NFIB: variants seen among roughly 807,000 people sequenced by gnomAD.
NFIB encodes the protein nuclear factor I B, also known as nuclear factor 1 B-type.
In NFIB, 11 loss-of-function variants were observed where a neutral mutation model predicts 61.5. The ratio of observed to expected loss-of-function variants is 0.18; its 90% CI spans 0.11 to 0.30. NFIB has a LOEUF of 0.30. Ranked by LOEUF, NFIB falls within the 10% of genes least tolerant of loss-of-function variation. The pLI, the probability that NFIB is intolerant of heterozygous loss-of-function variation, is 1.00. For missense variants in NFIB, 471 were observed against 608.9 expected (o/e 0.77, Z 2.38); for synonymous variants, 260 against 216.5 (o/e 1.20, Z -1.76).
intron 2 of NFIB, among the ~76,000 whole-genome samples, chr9:14,193,096 T>A (rs2131571463): frequency 6.6e-6 from 1 of 151,820 alleles, no homozygotes; most frequent in African/African-American, 2.4e-5. Flanking sequence ...AAGTTTTTTG[T>A]AATGCATACT....
chr9:14,448,571 G>A, the NFIB span, among the ~76,000 whole-genome samples: 1 of 152,158 alleles, frequency 6.6e-6, no homozygotes, highest in Non-Finnish European at 1.5e-5. Flanking sequence ...TCTATCAAAG[G>A]ATTTTAATGA....
chr9:14,483,421 C>G, the NFIB span, among the ~76,000 whole-genome samples: 6 of 152,110 alleles, frequency 3.9e-5, no homozygotes, highest in Non-Finnish European at 8.8e-5. Context: ...GTGAGGAGGA[C>G]AAAAACAAAG....
chr9:14,301,120 A>C (rs982177285), intron 2 of NFIB, among the ~76,000 whole-genome samples: 7 of 152,180 alleles, frequency 4.6e-5, no homozygotes, highest in Non-Finnish European at 7.4e-5. Flanking sequence ...CAGTAACTTT[A>C]AAGAACTAAA....
At chr9:14,366,239 C>T (rs753201560) in intron 1 of NFIB, among the ~76,000 whole-genome samples, 2 of 152,178 alleles carry the variant, frequency 1.3e-5, no homozygotes, top group Non-Finnish European at 2.9e-5. Context: ...CCAGAAGACA[C>T]ACCACCACAG....
the NFIB span, among the ~76,000 whole-genome samples, chr9:14,447,590 C>T: frequency 4.3e-4 from 66 of 152,222 alleles, no homozygotes; most frequent in South Asian, 8.1e-3. Flanking sequence ...ACCTTAACTC[C>T]GCATTCACCA....
chr9:14,297,693 G>C (rs2059524781), intron 2 of NFIB, among the ~76,000 whole-genome samples: 1 of 152,156 alleles, frequency 6.6e-6, no homozygotes, highest in African/African-American at 2.4e-5. Flanking sequence ...CAACACGCAA[G>C]TAAGGAAATG....
At chr9:14,367,995 T>C (rs916790667) in intron 1 of NFIB, among the ~76,000 whole-genome samples, 1 of 152,066 alleles carries the variant, frequency 6.6e-6, no homozygotes, top group Non-Finnish European at 1.5e-5. Context: ...AACCTGCACG[T>C]TCTGCACATG....
chr9:14,181,843 T>G (rs1587382357), intron 2 of NFIB, among the ~76,000 whole-genome samples: 1 of 152,168 alleles, frequency 6.6e-6, no homozygotes, highest in East Asian at 1.9e-4. Flanking sequence ...GCCAAGCTTG[T>G]GATGACACCT....
the NFIB span, among the ~76,000 whole-genome samples, chr9:14,529,233 C>T: frequency 6.6e-6 from 1 of 152,082 alleles, no homozygotes; most frequent in African/African-American, 2.4e-5. Flanking sequence ...TGGGCTTTTT[C>T]CCTGTCAAGT....
chr9:14,179,145 C>T (rs1319365984), intron 3 of NFIB, among the ~76,000 whole-genome samples: 2 of 151,950 alleles, frequency 1.3e-5, no homozygotes, highest in African/African-American at 4.8e-5. Flanking sequence ...GTTATAAAAG[C>T]CCATTTTCAG....
intron 2 of NFIB, among the ~76,000 whole-genome samples, chr9:14,254,245 G>A (rs556026364): frequency 2.1e-4 from 32 of 151,940 alleles, no homozygotes; most frequent in Non-Finnish European, 3.4e-4. Context: ...AGGTTGCAGC[G>A]AGCCATGATC....
intron 2 of NFIB, among the ~76,000 whole-genome samples, chr9:14,240,404 AAAG>A (rs926882456): frequency 6.6e-6 from 1 of 152,170 alleles, no homozygotes; most frequent in Admixed American, 6.5e-5. Context: ...TGGGGAGCCA[AAAG>A]AATTTAAATT....
At chr9:14,270,284 T>C (rs1458215331) in intron 2 of NFIB, among the ~76,000 whole-genome samples, 2 of 152,156 alleles carry the variant, frequency 1.3e-5, no homozygotes, top group Non-Finnish European at 1.5e-5. Flanking sequence ...TCATTTCTTA[T>C]TTACCTGTGT....
Position 14,120,389 on chromosome 9 carries a change from A to G in NFIB, c.1245+51T>C, listed in dbSNP as rs1242984145. On this transcript the variant is annotated intron_variant, in intron 8 of 10. Coordinates refer to ENST00000380953, the MANE Select transcript of NFIB (RefSeq NM_001190737.2). This position sits in a 1 kb window ranked among gnomAD's most constrained non-coding sequence, Gnocchi z 4.4. Reference sequence around the variant, plus strand: ...ACTAACCTTTGTGTCTCAGAATTAGATCTGTCCCATCTCCCTTAGGTGCTA... The same window carrying G: ...ACTAACCTTTGTGTCTCAGAATTAGGTCTGTCCCATCTCCCTTAGGTGCTA... The G allele has an allele frequency of 6.4e-7, 1 of 1,571,446 alleles. No homozygotes were observed. Among genetic ancestry groups the G allele is most frequent in the Non-Finnish European group, 8.8e-7 (1 of 1,142,496 alleles).
chr9:14,119,286 TACA>T (rs542056453), intron 8 of NFIB, among the ~76,000 whole-genome samples: 84 of 152,314 alleles, frequency 5.5e-4, no homozygotes, highest in South Asian at 4.8e-3. Context: ...TGAAAAGTGC[TACA>T]ACATTTTAAC....
intron 2 of NFIB, among the ~76,000 whole-genome samples, chr9:14,296,085 C>G (rs2132598555): frequency 6.6e-6 from 1 of 152,314 alleles, no homozygotes; most frequent in African/African-American, 2.4e-5. Flanking sequence ...TCGATTTCCT[C>G]TTTGGTATGT....
At chr9:14,131,358 T>C (rs1445619017) in intron 6 of NFIB, among the ~76,000 whole-genome samples, 2 of 152,214 alleles carry the variant, frequency 1.3e-5, no homozygotes, top group East Asian at 3.9e-4. Flanking sequence ...GACCATACTA[T>C]ATATATTTTT....
In NFIB at chr9:14,085,021, T is replaced by C; in HGVS notation, c.*3288A>G. The C allele has an allele frequency of 4.4e-6, 1 of 228,832 alleles. No individual in the cohort carries two copies. The allele number at this position is 228,832 out of a possible 1,614,324, so 14.2% of individuals were successfully genotyped here. ...ATACTGTGTGTCCTGTGAGGTTCAT[T>C]TGTTCACCTAATAGGTCAAAGATAC... is the stretch of plus-strand genomic sequence containing the variant. On this transcript the variant is annotated 3_prime_UTR_variant, in exon 11 of 11. Coordinates refer to ENST00000380953, the MANE Select transcript of NFIB (RefSeq NM_001190737.2).
intron 1 of NFIB, among the ~76,000 whole-genome samples, chr9:14,356,364 C>T (rs2061176319): frequency 6.6e-6 from 1 of 152,008 alleles, no homozygotes; most frequent in Admixed American, 6.6e-5. Flanking sequence ...GGGATGGATA[C>T]TGAGGATTTC....
Sources: gnomAD v4.1 joint callset for allele counts (sites outside exome capture counted in the v4.1 genomes callset) on GRCh38, gnomAD v4.1.1 for gene constraint, Gnocchi (gnomAD v3.1) non-coding constraint, MANE v1.5 for transcripts, NCBI Gene and HGNC (gene_info 2026-07-23, HGNC 2026-07-21) for gene names.